The following OTOGL variants were observed in gnomAD, a reference collection of about 807,000 sequenced individuals.
OTOGL encodes the protein otogelin like.
In OTOGL, 285 loss-of-function variants were observed where a neutral mutation model predicts 318.5. The ratio of observed to expected loss-of-function variants is 0.89; its 90% CI spans 0.81 to 0.99. The LOEUF is 0.99. Among genes scored for constraint, OTOGL ranks in the 50% least tolerant of loss-of-function variants. The pLI, the probability that OTOGL is intolerant of heterozygous loss-of-function variation, is 0.00. For missense variants in OTOGL, 2,899 were observed against 2,845.6 expected (o/e 1.02, Z -0.43); for synonymous variants, 987 against 936.5 (o/e 1.05, Z -0.99).
At chr12:80,307,030 A>G in intron 29 of OTOGL, among the ~76,000 whole-genome samples, 1 of 149,068 alleles carries the variant, frequency 6.7e-6, no homozygotes. Context: ...TGCTGCCTTC[A>G]AGCATCTGTT....
Position 80,333,095 on chromosome 12 carries a change from T to G in OTOGL, c.4422+17T>G, listed in dbSNP as rs1220785915. The G allele has an allele frequency of 1.3e-6, 2 of 1,556,456 alleles. No individual in the cohort carries two copies. The highest frequency in any genetic ancestry group is 1.8e-5 in the Admixed American group (1 of 55,602). On this transcript the variant is annotated intron_variant, in intron 38 of 58. Transcript: ENST00000547103. The stretch of plus-strand genomic sequence containing the variant: ...GAATGTGAGGTATGACTGAGCAATA[T>G]CTTCCAGCTCTTTGTCATTTCCATA...
rs1211800681 is a variant in OTOGL at position 80,379,258 on chromosome 12, A to G, written c.*1210A>G. Reference sequence around the variant, plus strand: ...ATGCCCTACTTAGTGTAATTGTATCAAGTGAAGTCAAACATCAACAAAAGA... The same window carrying G: ...ATGCCCTACTTAGTGTAATTGTATCGAGTGAAGTCAAACATCAACAAAAGA... On this transcript the variant is annotated 3_prime_UTR_variant, in exon 59 of 59. Coordinates refer to ENST00000547103, the MANE Select transcript of OTOGL (RefSeq NM_001378609.3). The G allele has an allele frequency of 6.6e-6, 1 of 151,998 alleles. No individual in the cohort carries two copies. Among genetic ancestry groups the G allele is most frequent in the African/African-American group, 2.4e-5 (1 of 41,426 alleles). The allele number at this position is 151,998 out of a possible 1,614,324, so 9.4% of individuals were successfully genotyped here.
At chr12:80,102,973 G>A (rs911789788) in intron 1 of OTOGL, 7 of 900,198 alleles carry the variant, frequency 7.8e-6, no homozygotes, top group South Asian at 3.9e-5. Context: ...TTGGCTTTCC[G>A]TTCAAGGATC....
chr12:80,340,936 G>GTTTTTTT (rs370802593), intron 43 of OTOGL, among the ~76,000 whole-genome samples: 1 of 139,094 alleles, frequency 7.2e-6, no homozygotes. Context: ...GTCCACTTAG[G>GTTTTTTT]TTTTTTTTTT....
At chr12:80,231,398 A>C (rs1166189732) in intron 8 of OTOGL, among the ~76,000 whole-genome samples, 2 of 152,010 alleles carry the variant, frequency 1.3e-5, no homozygotes, top group African/African-American at 2.4e-5. Flanking sequence ...ATCTGTAAAA[A>C]ATTTTTTGTG....
chr12:80,352,254 T>G (rs1889593599), intron 44 of OTOGL, 41 bp from the exon 45 acceptor site: 1 of 1,553,532 alleles, frequency 6.4e-7, no homozygotes, highest in Admixed American at 1.9e-5. Context: ...TTCAGAGAAA[T>G]AAAACAATAT....
At chr12:80,240,783 C>A (rs1374842504) in intron 11 of OTOGL, among the ~76,000 whole-genome samples, 1 of 151,982 alleles carries the variant, frequency 6.6e-6, no homozygotes, top group African/African-American at 2.4e-5. Flanking sequence ...TTGTGAACAT[C>A]TAGGATAGGT....
intron 1 of OTOGL, chr12:80,189,451 T>C: frequency 7.1e-6 from 7 of 985,264 alleles, no homozygotes; most frequent in Non-Finnish European, 8.4e-6. Flanking sequence ...CTCATAAGAA[T>C]GAGGTTGGAT....
At chr12:80,119,490 G>C (rs2137095601) in intron 1 of OTOGL, among the ~76,000 whole-genome samples, 1 of 152,274 alleles carries the variant, frequency 6.6e-6, no homozygotes. Flanking sequence ...CACAATGTCG[G>C]CCGTTGTGAT....
chr12:80,259,943 C>G (rs374115858), intron 18 of OTOGL, among the ~76,000 whole-genome samples: 11 of 152,160 alleles, frequency 7.2e-5, no homozygotes, highest in African/African-American at 2.4e-4. Flanking sequence ...ACATTATTTG[C>G]CTCAAAAAGC....
At chr12:80,327,441 T>C (rs1197230926) in intron 35 of OTOGL, among the ~76,000 whole-genome samples, 1 of 152,092 alleles carries the variant, frequency 6.6e-6, no homozygotes, top group Non-Finnish European at 1.5e-5. Flanking sequence ...GGTCCTAATT[T>C]TCTTGAAAAC....
intron 1 of OTOGL, among the ~76,000 whole-genome samples, chr12:80,191,453 A>T (rs980022665): frequency 6.6e-6 from 1 of 152,226 alleles, no homozygotes; most frequent in African/African-American, 2.4e-5. Flanking sequence ...AATAAAAAAA[A>T]TAAAATTATT....
Position 80,279,171 on chromosome 12 carries a change from G to T in OTOGL, c.2928+5G>T. ...TGCCAGGTGTTTTTGATAAAGGTAGGTCACAGTTACACATTTTTATTTGCA... is the reference window on the plus strand; with the variant it reads ...TGCCAGGTGTTTTTGATAAAGGTAGTTCACAGTTACACATTTTTATTTGCA... On this transcript the variant is annotated splice_donor_5th_base_variant and intron_variant, in intron 26 of 58. Coordinates refer to ENST00000547103, the MANE Select transcript of OTOGL (RefSeq NM_001378609.3). 6.3e-7 allele frequency: 1 copy of T among 1,584,128 alleles called. No homozygotes were observed. Among genetic ancestry groups the T allele is most frequent in the Non-Finnish European group, 8.5e-7 (1 of 1,172,440 alleles).
chr12:80,360,868 G>A (rs1414674742), intron 52 of OTOGL, among the ~76,000 whole-genome samples: 1 of 151,780 alleles, frequency 6.6e-6, no homozygotes, highest in Non-Finnish European at 1.5e-5. Context: ...TTTTAAAATG[G>A]ACAAATATTG....
At chr12:80,235,395 G>T (rs1167991766) in intron 9 of OTOGL, among the ~76,000 whole-genome samples, 1 of 149,610 alleles carries the variant, frequency 6.7e-6, no homozygotes, top group Admixed American at 6.8e-5. Flanking sequence ...AACATGGGAG[G>T]TGGAGGCTGC....
chr12:80,100,529 G>A (rs1005184553), intron 1 of OTOGL, among the ~76,000 whole-genome samples: 14 of 152,026 alleles, frequency 9.2e-5, no homozygotes, highest in African/African-American at 3.4e-4. Context: ...TAATAGTGGA[G>A]GCTCATATAA....
At chr12:80,350,821 T>C (rs952190493) in intron 44 of OTOGL, among the ~76,000 whole-genome samples, 1 of 152,226 alleles carries the variant, frequency 6.6e-6, no homozygotes, top group African/African-American at 2.4e-5. Context: ...ATTAGATGTA[T>C]AGTTTGCAAA....
At chr12:80,350,405 C>T (rs1333706569) in intron 44 of OTOGL, among the ~76,000 whole-genome samples, 4 of 152,110 alleles carry the variant, frequency 2.6e-5, no homozygotes, top group African/African-American at 9.7e-5. Flanking sequence ...ATTTCATTTC[C>T]TTTGGATATG....
chr12:80,212,380 A>G (rs1565902234), intron 4 of OTOGL, among the ~76,000 whole-genome samples: 1 of 152,184 alleles, frequency 6.6e-6, no homozygotes, highest in East Asian at 1.9e-4. Flanking sequence ...TGTGTAAATA[A>G]TATGAGTTAA....
Sources: gnomAD v4.1 joint callset for allele counts (sites outside exome capture counted in the v4.1 genomes callset) on GRCh38, gnomAD v4.1.1 for gene constraint, MANE v1.5 for transcripts, NCBI Gene and HGNC (gene_info 2026-07-23, HGNC 2026-07-21) for gene names.